ERCC8: variants seen among roughly 807,000 people sequenced by gnomAD.
ERCC8 encodes the protein DNA excision repair protein ERCC-8.
Under a neutral mutation model 54.9 loss-of-function variants are expected in ERCC8, and 52 were observed. The observed-to-expected ratio is 0.95, with a 90% CI of 0.76 to 1.19. The LOEUF is 1.19. Among genes scored for constraint, ERCC8 ranks in the 50% most tolerant of loss-of-function variants. The pLI is 0.00. For missense variants in ERCC8, 514 were observed against 466.1 expected, an observed-to-expected ratio of 1.10 and a Z score of -0.95; for synonymous variants, 146 against 157.2, an observed-to-expected ratio of 0.93 and a Z score of 0.53.
At chr5:60,925,854 C>T (rs1046572493) in intron 2 of ERCC8, among the ~76,000 whole-genome samples, 7 of 152,140 alleles carry the variant, frequency 4.6e-5, no homozygotes, top group Non-Finnish European at 8.8e-5. Context: ...GAAGAAGTCT[C>T]GCTCTGTAGC....
intron 3 of ERCC8, among the ~76,000 whole-genome samples, chr5:60,921,423 G>A (rs1357176865): frequency 6.6e-6 from 1 of 151,862 alleles, no homozygotes; most frequent in Non-Finnish European, 1.5e-5. Context: ...AGGATTAAAT[G>A]ACCACAATGG....
chr5:60,876,332 A>G (rs985422637), intron 11 of ERCC8, among the ~76,000 whole-genome samples: 8 of 152,212 alleles, frequency 5.3e-5, no homozygotes, highest in Non-Finnish European at 8.8e-5. Context: ...TAGTGCCGCA[A>G]TAAACATACG....
In ERCC8 at chr5:60,870,992, T is replaced by A. The variant is rs537509097; in HGVS notation, c.*3623A>T. 1.3e-5 allele frequency among the ~76,000 whole-genome samples: 2 copies of A among 152,276 alleles called. No homozygotes were observed. Among genetic ancestry groups the A allele is most frequent in the South Asian group, 4.1e-4 (2 of 4,822 alleles). ...AAAGGGAAAAAAAACCAAAGTGGCT[T>A]TGGAATTCTCAACTGCAATACCAGA... On this transcript the variant is annotated 3_prime_UTR_variant, in exon 12 of 12. Coordinates refer to ENST00000676185, the MANE Select transcript of ERCC8 (RefSeq NM_000082.4).
At chr5:60,903,864 GT>G in intron 5 of ERCC8, 148 bp from the exon 6 acceptor site, 1 of 766,050 alleles carries the variant, frequency 1.3e-6, no homozygotes, top group Non-Finnish European at 2.1e-6. Context: ...CATTTTTAAT[GT>G]TTACATTTAG....
chr5:60,923,174 C>G (rs936203921), intron 2 of ERCC8, among the ~76,000 whole-genome samples: 11 of 152,052 alleles, frequency 7.2e-5, no homozygotes, highest in Non-Finnish European at 1.0e-4. Flanking sequence ...TTGACTCACT[C>G]TCAAGCTGGT....
intron 1 of ERCC8, among the ~76,000 whole-genome samples, chr5:60,940,720 A>C (rs1056658283): frequency 2.0e-5 from 3 of 152,234 alleles, no homozygotes; most frequent in East Asian, 1.9e-4. Flanking sequence ...AGATCTGAAG[A>C]GACTTTGAAA....
At chr5:60,883,770 A>G (rs921959856) in intron 11 of ERCC8, among the ~76,000 whole-genome samples, 17 of 152,228 alleles carry the variant, frequency 1.1e-4, no homozygotes, top group Non-Finnish European at 1.8e-4. Flanking sequence ...TATAGATCTC[A>G]GGCAGGAAAA....
chr5:60,910,460 T>C (rs1472447155), intron 4 of ERCC8, among the ~76,000 whole-genome samples: 2 of 152,194 alleles, frequency 1.3e-5, no homozygotes, highest in Non-Finnish European at 1.5e-5. Context: ...ATTCTATAGA[T>C]CAGTTTGGGT....
intron 1 of ERCC8, among the ~76,000 whole-genome samples, chr5:60,938,086 T>TATA (rs1561519180): frequency 1.1e-3 from 26 of 24,018 alleles, no homozygotes; most frequent in South Asian, 3.4e-3. Context: ...TATATATATA[T>TATA]TTTATTTTTT....
chr5:60,873,830 C>T lies in ERCC8; in HGVS notation c.*785G>A, dbSNP rs1473618231. On this transcript the variant is annotated 3_prime_UTR_variant, in exon 12 of 12. Transcript: ENST00000676185. The stretch of plus-strand genomic sequence containing the variant: ...ATAATCACGTGTGGGTTGACACAGA[C>T]GGAGACAATAACATAGAAATTTTAT... 2.6e-5 allele frequency: 4 copies of T among 152,146 alleles called. No individual in the cohort carries two copies. The highest frequency in any genetic ancestry group is 3.8e-4 in the East Asian group (2 of 5,196). The allele number at this position is 152,146 out of a possible 1,614,324, so 9.4% of individuals were successfully genotyped here. A position where few individuals can be genotyped will look rare whatever the true frequency, so the allele number is the denominator to read the frequency against.
At chr5:60,889,315 C>A (rs942596851) in intron 10 of ERCC8, among the ~76,000 whole-genome samples, 8 of 152,144 alleles carry the variant, frequency 5.3e-5, no homozygotes, top group African/African-American at 1.7e-4. Context: ...AATTTACTTA[C>A]TTATCCCAGC....
intron 9 of ERCC8, chr5:60,892,150 A>T: frequency 2.1e-6 from 1 of 483,116 alleles, no homozygotes; most frequent in Non-Finnish European, 4.1e-6. Context: ...GTTTTTTTTT[A>T]GGGTGGTGGT....
intron 1 of ERCC8, among the ~76,000 whole-genome samples, chr5:60,933,382 C>G (rs1267968750): frequency 6.6e-6 from 1 of 151,702 alleles, no homozygotes; most frequent in East Asian, 1.9e-4. Flanking sequence ...CCACACCTGG[C>G]TAATTTTTGT....
chr5:60,938,040 CATACATACATATATAT>C (rs1394878107), intron 1 of ERCC8, among the ~76,000 whole-genome samples: 89 of 32,472 alleles, frequency 2.7e-3, no homozygotes, highest in African/African-American at 4.3e-3. Context: ...TACATACATA[CATACATACATATATAT>C]ATATATATAT....
chr5:60,902,423 C>T lies in ERCC8; in HGVS notation c.617+19G>A, dbSNP rs771793120. The T allele has an allele frequency of 6.3e-7, 1 of 1,587,374 alleles. No individual in the cohort carries two copies. The stretch of plus-strand genomic sequence containing the variant: ...TATTATTAATTACTAACTTCAAAAG[C>T]AAATAAGTTAAATTTTACCTTGCTG... On this transcript the variant is annotated intron_variant, in intron 7 of 11. Coordinates refer to ENST00000676185, the MANE Select transcript of ERCC8 (RefSeq NM_000082.4).
At chr5:60,899,842 T>C in intron 7 of ERCC8, 115 bp from the exon 8 acceptor site, 1 of 764,220 alleles carries the variant, frequency 1.3e-6, no homozygotes, top group Non-Finnish European at 2.3e-6. Flanking sequence ...TACATATGTA[T>C]TCATACATTA....
chr5:60,879,934 T>C (rs1443915446), intron 11 of ERCC8, among the ~76,000 whole-genome samples: 3 of 152,222 alleles, frequency 2.0e-5, no homozygotes, highest in African/African-American at 4.8e-5. Flanking sequence ...ATTTTGCTCG[T>C]TAGTTGATGC....
chr5:60,893,679 T>G (rs1158238591), intron 9 of ERCC8: 1 of 486,304 alleles, frequency 2.1e-6, no homozygotes, highest in Non-Finnish European at 3.7e-6. Flanking sequence ...CTTGTGCTGC[T>G]AGGCTCCGGA....
chr5:60,923,157 A>G (rs1198395653), intron 2 of ERCC8, among the ~76,000 whole-genome samples: 3 of 152,138 alleles, frequency 2.0e-5, no homozygotes, highest in Non-Finnish European at 4.4e-5. Flanking sequence ...TTTTTTGGAA[A>G]CAATTATTGA....
Sources: gnomAD v4.1 joint callset for allele counts (sites outside exome capture counted in the v4.1 genomes callset) on GRCh38, gnomAD v4.1.1 for gene constraint, MANE v1.5 for transcripts, NCBI Gene and HGNC (gene_info 2026-07-23, HGNC 2026-07-21) for gene names.